The following HGD variants were observed in gnomAD, a reference collection of about 807,000 sequenced individuals.
The protein encoded by HGD is homogentisate 1,2-dioxygenase, also known as homogentisate oxidase.
A neutral mutation model predicts 60.8 loss-of-function variants in HGD; 61 were observed. That is an observed-to-expected ratio of 1.00 (90% confidence interval 0.82 to 1.24). The LOEUF (loss-of-function observed/expected upper bound fraction) is 1.24. Among genes scored for constraint, HGD ranks in the 50% most tolerant of loss-of-function variants. HGD has a pLI of 0.00. For synonymous variants in HGD, 212 were observed against 187.7 expected, an observed-to-expected ratio of 1.13 and a Z score of -1.06; for missense variants, 542 against 547.1, an observed-to-expected ratio of 0.99 and a Z score of 0.09.
intron 4 of HGD, among the ~76,000 whole-genome samples, chr3:120,654,831 T>C (rs1941446283): frequency 6.6e-6 from 1 of 152,098 alleles, no homozygotes; most frequent in South Asian, 2.1e-4. Flanking sequence ...CCAGCACCTT[T>C]GGAGGCCAAG....
chr3:120,668,412 T>C (rs1707948225), intron 4 of HGD, among the ~76,000 whole-genome samples: 2 of 151,882 alleles, frequency 1.3e-5, no homozygotes, highest in Admixed American at 6.6e-5. Flanking sequence ...TTTTGTCTTA[T>C]AAAAAGTCTA....
In HGD at chr3:120,668,084, G is replaced by C. The variant is rs564809413; in HGVS notation, c.282+2343C>G. On this transcript the variant is annotated intron_variant, in intron 4 of 13. Coordinates refer to ENST00000283871, the MANE Select transcript of HGD (RefSeq NM_000187.4). ...GGGGTTGGGGGTTAGAATAGGGGCT[G>C]CATTTTGCAATGTGCTTAAAGGCAA... Among the ~76,000 whole-genome samples the C allele has an allele frequency of 1.1e-4, 17 of 152,288 alleles. No homozygotes were observed. The East Asian group carries it at 1.4e-3, about 12-fold the overall frequency.
At chr3:120,641,276 C>G (rs912079968) in intron 11 of HGD, among the ~76,000 whole-genome samples, 13 of 152,154 alleles carry the variant, frequency 8.5e-5, no homozygotes, top group Non-Finnish European at 1.0e-4. Context: ...GACATTAACA[C>G]TTGGTTGTTT....
intron 4 of HGD, among the ~76,000 whole-genome samples, chr3:120,657,653 G>A (rs989446605): frequency 2.0e-5 from 3 of 152,104 alleles, no homozygotes; most frequent in Non-Finnish European, 4.4e-5. Context: ...ACCTGATACT[G>A]GGTAATTTAT....
chr3:120,637,590 G>A (rs916702074), intron 12 of HGD, among the ~76,000 whole-genome samples: 8 of 151,972 alleles, frequency 5.3e-5, no homozygotes, highest in African/African-American at 1.9e-4. Flanking sequence ...ATTGGAGAAG[G>A]CACATTTCTG....
intron 5 of HGD, among the ~76,000 whole-genome samples, chr3:120,652,211 CATT>C (rs1286047138): frequency 2.6e-4 from 40 of 151,964 alleles, no homozygotes; most frequent in Admixed American, 1.4e-3. Context: ...ATTTCAATAT[CATT>C]AGCTTCTTTG....
At chr3:120,653,694 C>A (rs970615722) in intron 4 of HGD, among the ~76,000 whole-genome samples, 1 of 152,188 alleles carries the variant, frequency 6.6e-6, no homozygotes, top group Non-Finnish European at 1.5e-5. Flanking sequence ...GGAAACAGTG[C>A]TGAAATCATG....
intron 1 of HGD, among the ~76,000 whole-genome samples, chr3:120,679,593 T>C (rs1708196418): frequency 6.6e-6 from 1 of 152,152 alleles, no homozygotes; most frequent in African/African-American, 2.4e-5. Flanking sequence ...CCTAATTATT[T>C]GGGTGTATCC....
rs368504327 is a variant in HGD at position 120,675,776 on chromosome 3, C to A, written c.87+16G>T. ...ATAGGATTCAGAGCTCTTCTAAGCA[C>A]TTTATTTGCTCATACCTGTCCTTCT... On this transcript the variant is annotated intron_variant, in intron 2 of 13. Transcript: ENST00000283871. 6 of 1,606,414 alleles carry A rather than the reference C, an allele frequency of 3.7e-6. No individual in the cohort carries two copies. The African/African-American group carries it at 6.7e-5, about 18-fold the overall frequency.
chr3:120,652,617 G>T lies in HGD; in HGVS notation c.317C>A (p.Ser106Tyr), dbSNP rs1375844035. ...RWKPFEIPKA[S>Y]QKKVDFVSGL... The stretch of plus-strand genomic sequence containing the variant: ...ACTCACAAAGTCTACTTTCTTCTGA[G>T]ATGCTTTTGGAATCTCAAATGGTTT... The change falls in exon 5 of 14, where the codon TCT becomes TAT. Residue 106 changes from serine to tyrosine, a missense_variant. Physicochemically the swap from Ser to Tyr is moderately radical, Grantham distance 144. Transcript: ENST00000283871. 1.2e-6 allele frequency: 2 copies of T among 1,613,244 alleles called. No homozygotes were observed. The highest frequency in any genetic ancestry group is 1.3e-5 in the African/African-American group (1 of 74,986).
intron 1 of HGD, among the ~76,000 whole-genome samples, chr3:120,681,114 A>G (rs1176407854): frequency 6.6e-6 from 1 of 152,224 alleles, no homozygotes; most frequent in Non-Finnish European, 1.5e-5. Flanking sequence ...TGATTCTTCA[A>G]ACTCAGAAAC....
intron 6 of HGD, 89 bp downstream of exon 6, chr3:120,650,685 G>A (rs1381822615): frequency 5.5e-6 from 5 of 901,560 alleles, no homozygotes; most frequent in Non-Finnish European, 9.4e-6. Flanking sequence ...GTGCATATGT[G>A]ACTTCACAAG....
intron 4 of HGD, among the ~76,000 whole-genome samples, chr3:120,654,223 G>A (rs1335540493): frequency 6.6e-6 from 1 of 152,068 alleles, no homozygotes; most frequent in Admixed American, 6.6e-5. Context: ...CATCTTTCTG[G>A]ATTTCCCAGT....
intron 8 of HGD, 101 bp from the exon 9 acceptor site, chr3:120,646,467 C>T: frequency 1.2e-6 from 1 of 809,610 alleles, no homozygotes. Flanking sequence ...AAAAGTAAAG[C>T]TCTTGTTTGT....
At chr3:120,637,439 C>T (rs1354413618) in intron 12 of HGD, among the ~76,000 whole-genome samples, 1 of 151,820 alleles carries the variant, frequency 6.6e-6, no homozygotes, top group East Asian at 1.9e-4. Flanking sequence ...TTATTAGGTG[C>T]TAAGAATAAT....
At chr3:120,646,443 C>G in intron 8 of HGD, 77 bp from the exon 9 acceptor site, 1 of 902,188 alleles carries the variant, frequency 1.1e-6, no homozygotes, top group Non-Finnish European at 1.9e-6. Context: ...AGAGCCATAG[C>G]CCATCCCACA....
intron 1 of HGD, 103 bp from the exon 2 acceptor site, chr3:120,675,966 T>C: frequency 1.2e-6 from 1 of 813,892 alleles, no homozygotes; most frequent in South Asian, 1.3e-5. Context: ...GGACCTATGT[T>C]TGTGTATGAT....
At chr3:120,656,373 A>G (rs973328108) in intron 4 of HGD, among the ~76,000 whole-genome samples, 1 of 152,238 alleles carries the variant, frequency 6.6e-6, no homozygotes, top group African/African-American at 2.4e-5. Context: ...CTATTGTTAA[A>G]TAGCTTCTTC....
intron 13 of HGD, among the ~76,000 whole-genome samples, chr3:120,629,521 T>C (rs1576281795): frequency 6.6e-6 from 1 of 152,304 alleles, no homozygotes; most frequent in South Asian, 2.1e-4. Context: ...GGAAGTGCTA[T>C]GCAAGTTATA....
Sources: allele counts gnomAD v4.1 joint callset (sites outside exome capture counted in the v4.1 genomes callset), GRCh38; gene constraint gnomAD v4.1.1; transcripts MANE v1.5; gene names NCBI Gene and HGNC (gene_info 2026-07-23, HGNC 2026-07-21).